Variants in DENND1A observed in about 807,000 individuals in gnomAD.
DENND1A encodes the protein DENN domain containing 1A.
A neutral mutation model predicts 113.7 loss-of-function variants in DENND1A; 51 were observed. That is an observed-to-expected ratio of 0.45 (90% CI 0.36 to 0.57). The LOEUF (loss-of-function observed/expected upper bound fraction) is 0.57. Among genes scored for constraint, DENND1A ranks in the 20% least tolerant of loss-of-function variants. The probability of loss-of-function intolerance (pLI) is 0.00; values close to 1 mark genes in which losing one functional copy is unlikely to be tolerated. For missense variants in DENND1A, 1,258 were observed against 1,395.9 expected (o/e 0.90, Z 1.57); for synonymous variants, 565 against 570.8 (o/e 0.99, Z 0.14).
At chr9:123,669,666 G>C (rs1589598154) in intron 7 of DENND1A, among the ~76,000 whole-genome samples, 1 of 152,344 alleles carries the variant, frequency 6.6e-6, no homozygotes. Flanking sequence ...GAAGTGGTGA[G>C]ATCAAGCTGC....
At chr9:123,559,877 TC>T (rs1207113466) in intron 12 of DENND1A, among the ~76,000 whole-genome samples, 1 of 152,172 alleles carries the variant, frequency 6.6e-6, no homozygotes, top group Non-Finnish European at 1.5e-5. Context: ...CCACTCACCT[TC>T]CTTCTGTCTC....
At chr9:123,577,146 A>T (rs1488379440) in intron 12 of DENND1A, among the ~76,000 whole-genome samples, 1 of 152,156 alleles carries the variant, frequency 6.6e-6, no homozygotes, top group Non-Finnish European at 1.5e-5. Context: ...CTATAGGATC[A>T]CTGAGTTTTG....
In DENND1A at chr9:123,382,307, G is replaced by A; in HGVS notation, c.2338C>T (p.Pro780Ser). 6.2e-7 allele frequency: 1 copy of A among 1,610,864 alleles called. No individual in the cohort carries two copies. The highest frequency in any genetic ancestry group is 8.5e-7 in the Non-Finnish European group (1 of 1,179,434). ...GCAGCCTGGAGCTTGGCCGGGCGGG[G>A]AATGGGCGGTGGAGGCACGATGCCC... Reference protein sequence around the residue: ...ELGIVPPPPIPRPAKLQAAGA... With the variant: ...ELGIVPPPPISRPAKLQAAGA... The change falls in exon 24 of 24, where the codon CCC (proline) becomes TCC (serine). Residue 780 changes from proline to serine, a missense_variant. Transcript: ENST00000394215.
intron 2 of DENND1A, among the ~76,000 whole-genome samples, chr9:123,812,839 T>G (rs1287301212): frequency 6.6e-6 from 1 of 152,196 alleles, no homozygotes; most frequent in Non-Finnish European, 1.5e-5. Flanking sequence ...GTAAAAATTT[T>G]CAATCTAATA....
At chr9:123,724,848 T>C (rs949665253) in intron 5 of DENND1A, among the ~76,000 whole-genome samples, 1 of 152,244 alleles carries the variant, frequency 6.6e-6, no homozygotes, top group Non-Finnish European at 1.5e-5. Flanking sequence ...CTTTGATAGC[T>C]GATAAAAAAA....
At chr9:123,520,110 C>G (rs964615964) in intron 13 of DENND1A, among the ~76,000 whole-genome samples, 2 of 134,728 alleles carry the variant, frequency 1.5e-5, no homozygotes, top group East Asian at 4.4e-4. Flanking sequence ...TGACTACCAC[C>G]GTACTCTAGC....
At chr9:123,780,538 T>C (rs1486074402) in intron 3 of DENND1A, among the ~76,000 whole-genome samples, 1 of 152,158 alleles carries the variant, frequency 6.6e-6, no homozygotes, top group Non-Finnish European at 1.5e-5. Context: ...TGAGACCACA[T>C]GGGCCAAAGC....
intron 19 of DENND1A, among the ~76,000 whole-genome samples, chr9:123,425,455 C>T (rs1373620422): frequency 2.6e-5 from 4 of 152,260 alleles, no homozygotes; most frequent in East Asian, 1.9e-4. Context: ...GATTCTAAAG[C>T]GCGTGCAGGC....
intron 13 of DENND1A, among the ~76,000 whole-genome samples, chr9:123,549,021 C>T (rs2056879184): frequency 6.6e-6 from 1 of 152,182 alleles, no homozygotes; most frequent in South Asian, 2.1e-4. Flanking sequence ...GCCATTCATG[C>T]CAATGAACTG....
intron 2 of DENND1A, 78 bp from the exon 3 acceptor site, chr9:123,792,708 AG>A (rs1241930911): frequency 6.6e-7 from 1 of 1,516,656 alleles, no homozygotes; most frequent in Non-Finnish European, 9.1e-7. Context: ...ATATTTGATC[AG>A]AAGATGATAG....
In DENND1A at chr9:123,702,851, C is replaced by T. The variant is rs557459787; in HGVS notation, c.303-26062G>A. Among the ~76,000 whole-genome samples the T allele has an allele frequency of 2.0e-5, 3 of 151,994 alleles. No individual in the cohort carries two copies. The South Asian group carries it at 6.2e-4, about 32-fold the overall frequency. On this transcript the variant is annotated intron_variant, in intron 5 of 23. Transcript: ENST00000394215. ...GAAAGAAAAGGATGCTAATAAATAA[C>T]ATAAAACATCTGAAAGTAAAAGTAA...
intron 13 of DENND1A, among the ~76,000 whole-genome samples, chr9:123,497,694 T>C (rs1309370160): frequency 6.6e-6 from 1 of 151,872 alleles, no homozygotes; most frequent in African/African-American, 2.4e-5. Flanking sequence ...AAGAGCCTTA[T>C]GAGCATTATT....
chr9:123,909,692 C>T (rs1452933481), intron 1 of DENND1A, among the ~76,000 whole-genome samples: 2 of 151,810 alleles, frequency 1.3e-5, no homozygotes, highest in Non-Finnish European at 2.9e-5. Context: ...AGAGGTCTTA[C>T]CCAGTGAAAT....
chr9:123,453,944 G>A (rs980366185), intron 16 of DENND1A, among the ~76,000 whole-genome samples: 4 of 152,162 alleles, frequency 2.6e-5, no homozygotes. Flanking sequence ...GATTTGCCAA[G>A]TGCTGTGTTT....
chr9:123,725,630 C>A (rs1325356988), intron 5 of DENND1A, among the ~76,000 whole-genome samples: 1 of 152,212 alleles, frequency 6.6e-6, no homozygotes, highest in Non-Finnish European at 1.5e-5. Context: ...AAAGCTCTGG[C>A]GCATCCTCTG....
chr9:123,903,167 C>T (rs958312848), intron 1 of DENND1A, among the ~76,000 whole-genome samples: 10 of 150,552 alleles, frequency 6.6e-5, no homozygotes, highest in Non-Finnish European at 1.2e-4. Context: ...CCCATCTCTA[C>T]TAAAAATACA....
intron 13 of DENND1A, among the ~76,000 whole-genome samples, chr9:123,480,208 G>GC (rs2050223178): frequency 6.6e-6 from 1 of 152,032 alleles, no homozygotes; most frequent in African/African-American, 2.4e-5. Context: ...TCCTCCCAGG[G>GC]CCCCTGCTTC....
chr9:123,913,775 C>T (rs554441449), intron 1 of DENND1A, among the ~76,000 whole-genome samples: 1 of 151,672 alleles, frequency 6.6e-6, no homozygotes, highest in East Asian at 1.9e-4. Context: ...CATGGTGGTG[C>T]ATGCCTGTAA....
chr9:123,800,245 C>G (rs769506650), intron 2 of DENND1A, among the ~76,000 whole-genome samples: 92 of 152,270 alleles, frequency 6.0e-4, no homozygotes, highest in Non-Finnish European at 1.1e-3. Flanking sequence ...ATTGAAGGAC[C>G]CTTCTGCTAA....
Sources: gnomAD v4.1 joint callset for allele counts (sites outside exome capture counted in the v4.1 genomes callset) on GRCh38, gnomAD v4.1.1 for gene constraint, MANE v1.5 for transcripts, NCBI Gene and HGNC (gene_info 2026-07-23, HGNC 2026-07-21) for gene names.